ROCK1: variants seen among roughly 807,000 people sequenced by gnomAD.
ROCK1 encodes the protein Rho associated coiled-coil containing protein kinase 1, also known as rho-associated protein kinase 1.
Under a neutral mutation model 196.8 loss-of-function variants are expected in ROCK1, and 36 were observed. The observed-to-expected ratio is 0.18, with a 90% confidence interval of 0.14 to 0.24. The LOEUF (loss-of-function observed/expected upper bound fraction) is 0.24, where lower values mean the gene tolerates loss of function less well. ROCK1 is among the 10% of genes least tolerant of loss of function. The pLI is 1.00. For missense variants in ROCK1, 920 were observed against 1,562.0 expected (o/e 0.59, Z 6.93); for synonymous variants, 443 against 515.9 (o/e 0.86, Z 1.91).
intron 18 of ROCK1, among the ~76,000 whole-genome samples, chr18:20,990,936 T>G (rs1308304248): frequency 6.6e-6 from 1 of 151,782 alleles, no homozygotes; most frequent in Non-Finnish European, 1.5e-5. Flanking sequence ...ATTTTTTTAT[T>G]TTTAGTAGAG....
At chr18:20,973,614 G>C (rs539334534) in intron 22 of ROCK1, among the ~76,000 whole-genome samples, 18 of 152,180 alleles carry the variant, frequency 1.2e-4, no homozygotes, top group African/African-American at 2.2e-4. Flanking sequence ...AGATAGGATC[G>C]AGGGACTAGC....
At chr18:20,969,599 CATTT>C (rs932259299) in intron 23 of ROCK1, among the ~76,000 whole-genome samples, 1 of 151,974 alleles carries the variant, frequency 6.6e-6, no homozygotes, top group Non-Finnish European at 1.5e-5. Flanking sequence ...ATAATAAAAA[CATTT>C]ATTTATAGAT....
chr18:20,985,106 A>T (rs2035566788), intron 19 of ROCK1, among the ~76,000 whole-genome samples: 1 of 152,120 alleles, frequency 6.6e-6, no homozygotes, highest in Non-Finnish European at 1.5e-5. Flanking sequence ...CTCCAAAAAA[A>T]AAAAAGCCAT....
intron 2 of ROCK1, among the ~76,000 whole-genome samples, chr18:21,061,595 T>A (rs2036291575): frequency 6.6e-6 from 1 of 152,164 alleles, no homozygotes; most frequent in South Asian, 2.1e-4. Context: ...TATACACACT[T>A]TATGCAAATT....
intron 11 of ROCK1, among the ~76,000 whole-genome samples, chr18:21,023,296 T>C (rs942306473): frequency 6.6e-6 from 1 of 152,204 alleles, no homozygotes; most frequent in Non-Finnish European, 1.5e-5. Flanking sequence ...TTAAATATTT[T>C]GAACATGTAA....
chr18:21,040,364 C>T (rs2036094811), intron 8 of ROCK1, among the ~76,000 whole-genome samples: 1 of 152,136 alleles, frequency 6.6e-6, no homozygotes, highest in South Asian at 2.1e-4. Flanking sequence ...ATTCAAAAGC[C>T]AATGACTACT....
intron 27 of ROCK1, among the ~76,000 whole-genome samples, chr18:20,961,624 T>C (rs1272185652): frequency 3.3e-5 from 5 of 152,122 alleles, no homozygotes; most frequent in South Asian, 2.1e-4. Context: ...CACAACACTA[T>C]TCTGTTCGCA....
chr18:21,094,748 CA>C (rs59412229), intron 1 of ROCK1, among the ~76,000 whole-genome samples: 137,764 of 142,468 alleles, frequency 0.97, 66,693 homozygotes, highest in South Asian at 1. Flanking sequence ...GATCCTGTCT[CA>C]AAAAAAAAAA....
chr18:21,072,340 G>C (rs1446714318), intron 1 of ROCK1, among the ~76,000 whole-genome samples: 1 of 152,104 alleles, frequency 6.6e-6, no homozygotes, highest in Admixed American at 6.5e-5. Flanking sequence ...CTTTATTAGG[G>C]AAATAAAGTT....
intron 13 of ROCK1, 60 bp from the exon 14 acceptor site, chr18:21,008,254 G>T (rs2035785410): frequency 8.1e-7 from 1 of 1,227,776 alleles, no homozygotes; most frequent in Non-Finnish European, 1.1e-6. Flanking sequence ...TCATTCAAGT[G>T]AGTATTTTGT....
intron 16 of ROCK1, among the ~76,000 whole-genome samples, chr18:20,998,932 C>T (rs2035697124): frequency 6.6e-6 from 1 of 152,038 alleles, no homozygotes; most frequent in South Asian, 2.1e-4. Flanking sequence ...TAAAGATGAA[C>T]AAATAACAAT....
Position 20,947,447 on chromosome 18 carries a change from G to C in ROCK1, c.*3937C>G, listed in dbSNP as rs1358630892. 1 of 151,916 alleles carries C rather than the reference G, an allele frequency of 6.6e-6. No individual in the cohort carries two copies. The highest frequency in any genetic ancestry group is 2.4e-5 in the African/African-American group (1 of 41,360). 9.4% of individuals were successfully genotyped at this position (151,916 alleles called of 1,614,324 possible). A position where few individuals can be genotyped will look rare whatever the true frequency, so the allele number is the denominator to read the frequency against. On this transcript the variant is annotated 3_prime_UTR_variant, in exon 33 of 33. Transcript: ENST00000399799. ...AAAGATTTGGCAGTAAATATATCTAGGCCATTGAGCATGGCTTTATATATA... is the reference window on the plus strand; with the variant it reads ...AAAGATTTGGCAGTAAATATATCTACGCCATTGAGCATGGCTTTATATATA...
chr18:21,072,969 G>T (rs542732824), intron 1 of ROCK1, among the ~76,000 whole-genome samples: 1 of 146,950 alleles, frequency 6.8e-6, no homozygotes, highest in African/African-American at 2.5e-5. Context: ...AGCTACTCGG[G>T]AGGTTGAGAC....
intron 11 of ROCK1, 27 bp from the exon 12 acceptor site, chr18:21,020,266 T>A: frequency 8.0e-7 from 1 of 1,246,492 alleles, no homozygotes; most frequent in Non-Finnish European, 1.1e-6. Context: ...AAACAAAAAC[T>A]CATTCTACTA....
chr18:21,094,430 AT>A (rs1044681747), intron 1 of ROCK1, among the ~76,000 whole-genome samples: 2 of 152,122 alleles, frequency 1.3e-5, no homozygotes, highest in African/African-American at 4.8e-5. Context: ...TAATAATCCA[AT>A]TTTTAAATGG....
intron 29 of ROCK1, among the ~76,000 whole-genome samples, chr18:20,959,169 T>TAA (rs2035299518): frequency 1.6e-5 from 1 of 64,480 alleles, no homozygotes. Flanking sequence ...ATATATTATA[T>TAA]AATATATATA....
intron 9 of ROCK1, among the ~76,000 whole-genome samples, chr18:21,035,307 C>G (rs1273041139): frequency 6.6e-6 from 1 of 152,204 alleles, no homozygotes; most frequent in Non-Finnish European, 1.5e-5. Context: ...CTTTGGTGCA[C>G]TGCTGCTGGG....
chr18:21,051,725 C>G (rs1431930844), intron 2 of ROCK1, among the ~76,000 whole-genome samples: 1 of 152,178 alleles, frequency 6.6e-6, no homozygotes, highest in Admixed American at 6.5e-5. Flanking sequence ...AGAAACTGCT[C>G]TGTTCTAAAT....
intron 1 of ROCK1, among the ~76,000 whole-genome samples, chr18:21,085,872 A>T (rs1050743423): frequency 4.6e-5 from 7 of 152,198 alleles, no homozygotes; most frequent in African/African-American, 1.7e-4. Flanking sequence ...TCACAAAAAT[A>T]TATTCACGGA....
Sources: allele counts gnomAD v4.1 joint callset (sites outside exome capture counted in the v4.1 genomes callset), GRCh38; gene constraint gnomAD v4.1.1; transcripts MANE v1.5; gene names NCBI Gene and HGNC (gene_info 2026-07-23, HGNC 2026-07-21).